Variants in CDH13 observed in about 807,000 individuals in gnomAD.
The protein encoded by CDH13 is cadherin-13.
A neutral mutation model predicts 63.8 loss-of-function variants in CDH13; 24 were observed. That is an observed-to-expected ratio of 0.38 (90% CI 0.27 to 0.53). CDH13 has a LOEUF of 0.53. CDH13 is among the 20% of genes least tolerant of loss of function. CDH13 has a pLI of 0.85. For synonymous variants in CDH13, 503 were observed against 355.3 expected (o/e 1.42, Z -4.67); for missense variants, 1,049 against 903.1 (o/e 1.16, Z -2.07).
chr16:83,100,205 C>T (rs1285781974), intron 3 of CDH13, among the ~76,000 whole-genome samples: 1 of 152,060 alleles, frequency 6.6e-6, no homozygotes, highest in Non-Finnish European at 1.5e-5. Context: ...TAAATCCCTG[C>T]CTCATGGATC....
intron 5 of CDH13, among the ~76,000 whole-genome samples, chr16:83,331,426 T>C (rs1286332767): frequency 1.3e-5 from 2 of 152,232 alleles, no homozygotes; most frequent in African/African-American, 4.8e-5. Context: ...TGTGTGTTTC[T>C]TTCTCATTAA....
At chr16:83,066,446 G>T (rs986138659) in intron 3 of CDH13, among the ~76,000 whole-genome samples, 8 of 152,154 alleles carry the variant, frequency 5.3e-5, no homozygotes, top group African/African-American at 1.9e-4. Flanking sequence ...AAGCTGGGAG[G>T]CCTTCTGACC....
intron 1 of CDH13, among the ~76,000 whole-genome samples, chr16:82,842,178 A>ACACACACG (rs373995247): frequency 2.2e-5 from 3 of 133,774 alleles, no homozygotes; most frequent in African/African-American, 5.6e-5. Context: ...ACACACACAT[A>ACACACACG]TATATACACA....
rs114061058 is a variant in CDH13 at position 82,699,093 on chromosome 16, T to G, written c.45+71956T>G. Among the ~76,000 whole-genome samples the G allele has an allele frequency of 4.6e-3, 703 of 152,350 alleles. 6 individuals carry two copies. Among genetic ancestry groups the G allele is most frequent in the African/African-American group, 0.015 (604 of 41,574 alleles). ...CTAATAATAATATACAATATTCTGT[T>G]GGCAAAAGACATTTTGATACTTGTC... On this transcript the variant is annotated intron_variant, in intron 1 of 13. Transcript: ENST00000567109.
intron 11 of CDH13, among the ~76,000 whole-genome samples, chr16:83,756,836 T>C (rs568289179): frequency 3.2e-4 from 49 of 152,296 alleles, no homozygotes; most frequent in African/African-American, 1.1e-3. Flanking sequence ...TCTACAATCA[T>C]TGTGGGAGTC....
At chr16:83,040,612 T>C (rs1917247934) in intron 3 of CDH13, among the ~76,000 whole-genome samples, 2 of 152,230 alleles carry the variant, frequency 1.3e-5, no homozygotes, top group Admixed American at 1.3e-4. Context: ...TGCTGGCAGC[T>C]GATTAGTTGA....
In CDH13 at chr16:82,981,433, C is replaced by T. The variant is rs1403351746; in HGVS notation, c.158-50577C>T. On this transcript the variant is annotated intron_variant, in intron 2 of 13. Transcript: ENST00000567109. ...AGGGTGATGTGGTAAATCAAGTCAG[C>T]TCTCTGTGAATGTCTCATCATTCTC... Among the ~76,000 whole-genome samples the T allele has an allele frequency of 3.9e-5, 6 of 152,176 alleles. No individual in the cohort carries two copies. In the South Asian group the frequency reaches 1.2e-3, roughly 32 times the overall value.
chr16:82,728,316 C>CT (rs970287342), intron 1 of CDH13, among the ~76,000 whole-genome samples: 1 of 152,110 alleles, frequency 6.6e-6, no homozygotes, highest in African/African-American at 2.4e-5. Context: ...TCAGTTTACC[C>CT]TTATGGGCTT....
chr16:83,102,965 T>TTTTTTTTTTTTTTTTTTTTTTTTTTTTTC (rs2034570357), intron 3 of CDH13, among the ~76,000 whole-genome samples: 1 of 107,836 alleles, frequency 9.3e-6, no homozygotes, highest in African/African-American at 3.5e-5. Context: ...TTTTTTTTTT[T>TTTTTTTTTTTTTTTTTTTTTTTTTTTTTC]TTTTTGAGGT....
intron 8 of CDH13, among the ~76,000 whole-genome samples, chr16:83,653,332 C>G (rs976329022): frequency 3.9e-5 from 6 of 152,010 alleles, no homozygotes; most frequent in Non-Finnish European, 8.8e-5. Context: ...AAACTGTTAG[C>G]AAAGAAAAAA....
chr16:83,268,988 C>T (rs1271637019), intron 5 of CDH13, among the ~76,000 whole-genome samples: 1 of 152,184 alleles, frequency 6.6e-6, no homozygotes, highest in African/African-American at 2.4e-5. Flanking sequence ...CTTTTATTTC[C>T]TTCTGACCAG....
At chr16:83,535,491 C>A (rs570082104) in intron 7 of CDH13, among the ~76,000 whole-genome samples, 1 of 152,278 alleles carries the variant, frequency 6.6e-6, no homozygotes, top group African/African-American at 2.4e-5. Context: ...TAGTGTGTGA[C>A]CGTGAGGACC....
At chr16:83,024,546 C>T (rs1234042468) in intron 2 of CDH13, among the ~76,000 whole-genome samples, 1 of 152,122 alleles carries the variant, frequency 6.6e-6, no homozygotes, top group African/African-American at 2.4e-5. Context: ...GACCTCGGTT[C>T]ATATAATGAC....
intron 7 of CDH13, among the ~76,000 whole-genome samples, chr16:83,550,976 A>G (rs148787197): frequency 4.7e-4 from 71 of 152,186 alleles, no homozygotes; most frequent in African/African-American, 1.6e-3. Flanking sequence ...CTTTCTCTGA[A>G]GCCAATTTGC....
At chr16:82,692,684 T>C (rs1003402756) in intron 1 of CDH13, among the ~76,000 whole-genome samples, 9 of 152,216 alleles carry the variant, frequency 5.9e-5, no homozygotes, top group African/African-American at 2.2e-4. Flanking sequence ...GATATGGCAG[T>C]GTGGTCCTTA....
chr16:83,170,782 G>A (rs913190534), intron 4 of CDH13, among the ~76,000 whole-genome samples: 7 of 152,066 alleles, frequency 4.6e-5, no homozygotes, highest in Non-Finnish European at 1.0e-4. Flanking sequence ...GTGGATGAGA[G>A]GTATGGGAGA....
intron 6 of CDH13, among the ~76,000 whole-genome samples, chr16:83,448,827 C>G (rs2072790861): frequency 6.6e-6 from 1 of 152,138 alleles, no homozygotes; most frequent in Non-Finnish European, 1.5e-5. Context: ...TTCCACACCT[C>G]TGAGACAGCA....
chr16:83,751,059 A>G (rs1014381735), intron 11 of CDH13, among the ~76,000 whole-genome samples: 2 of 151,968 alleles, frequency 1.3e-5, no homozygotes, highest in Non-Finnish European at 2.9e-5. Context: ...AGTGGAAGCT[A>G]GCATGGCAGG....
intron 5 of CDH13, among the ~76,000 whole-genome samples, chr16:83,235,588 T>G (rs376368366): frequency 3.5e-5 from 5 of 141,686 alleles, no homozygotes; most frequent in African/African-American, 1.2e-4. Context: ...TGGTGTTTTT[T>G]TTTTTTTTTC....
Sources: allele counts gnomAD v4.1 joint callset (sites outside exome capture counted in the v4.1 genomes callset), GRCh38; gene constraint gnomAD v4.1.1; transcripts MANE v1.5; gene names NCBI Gene and HGNC (gene_info 2026-07-23, HGNC 2026-07-21).